PPFIA2: variants seen among roughly 807,000 people sequenced by gnomAD.
PPFIA2 encodes the protein PPFI scaffold protein A2.
PPFIA2 carries 46 observed loss-of-function variants against 175.5 expected under a neutral mutation model. The observed-to-expected ratio is 0.26, with a 90% confidence interval of 0.21 to 0.34. The LOEUF is 0.34. Ranked by LOEUF, PPFIA2 falls within the 10% of genes least tolerant of loss-of-function variation. The pLI is 1.00. For missense variants in PPFIA2, 1,179 were observed against 1,506.1 expected, an observed-to-expected ratio of 0.78 and a Z score of 3.60; for synonymous variants, 568 against 511.4, an observed-to-expected ratio of 1.11 and a Z score of -1.49.
At chr12:81,605,394 G>A (rs567203487) in intron 4 of PPFIA2, among the ~76,000 whole-genome samples, 13 of 151,638 alleles carry the variant, frequency 8.6e-5, no homozygotes, top group Non-Finnish European at 1.6e-4. Context: ...AGGTAAATGG[G>A]AAAGATGAAG....
chr12:81,446,383 A>C (rs998349048), intron 5 of PPFIA2, among the ~76,000 whole-genome samples: 15 of 152,144 alleles, frequency 9.9e-5, no homozygotes, highest in Non-Finnish European at 2.9e-5. Flanking sequence ...AAAGTCCCTG[A>C]AGACTTTCCA....
At chr12:81,580,264 T>C (rs2074207438) in intron 4 of PPFIA2, among the ~76,000 whole-genome samples, 1 of 151,834 alleles carries the variant, frequency 6.6e-6, no homozygotes. Flanking sequence ...GAGGTTGGTA[T>C]TCCTATCTGC....
In PPFIA2 at chr12:81,663,464, T is replaced by G. The variant is rs991142357; in HGVS notation, c.303+13327A>C. Among the ~76,000 whole-genome samples the G allele has an allele frequency of 8.5e-5, 13 of 152,168 alleles. No homozygotes were observed. In the South Asian group the frequency reaches 1.0e-3, roughly 12 times the overall value. ...ATTGCTTCAAAGATAATAAAATACC[T>G]AGGAATCCAACTTACAATGGATGGA... is the stretch of plus-strand genomic sequence containing the variant. On this transcript the variant is annotated intron_variant, in intron 4 of 32. Transcript: ENST00000549396.
chr12:81,272,516 A>G (rs2136477388), intron 28 of PPFIA2, among the ~76,000 whole-genome samples: 1 of 151,652 alleles, frequency 6.6e-6, no homozygotes, highest in African/African-American at 2.4e-5. Flanking sequence ...TCAAATTTCC[A>G]TTTGATTATT....
At chr12:81,573,370 A>G (rs534018237) in intron 4 of PPFIA2, among the ~76,000 whole-genome samples, 5 of 152,044 alleles carry the variant, frequency 3.3e-5, no homozygotes, top group Admixed American at 2.6e-4. Context: ...TCTTGCTAAC[A>G]ACAACACAAA....
intron 4 of PPFIA2, among the ~76,000 whole-genome samples, chr12:81,485,671 G>T (rs921767363): frequency 1.3e-5 from 2 of 151,810 alleles, no homozygotes; most frequent in East Asian, 3.9e-4. Context: ...TTCAAATTTT[G>T]TGCAAGAAAT....
At chr12:81,326,001 C>A in intron 21 of PPFIA2, 131 bp from the exon 22 acceptor site, 1 of 606,584 alleles carries the variant, frequency 1.6e-6, no homozygotes, top group Non-Finnish European at 2.9e-6. Flanking sequence ...TATTACTAAC[C>A]CAAGATGCAT....
chr12:81,291,210 T>C (rs1488779160), intron 24 of PPFIA2, among the ~76,000 whole-genome samples: 1 of 152,022 alleles, frequency 6.6e-6, no homozygotes, highest in East Asian at 1.9e-4. Flanking sequence ...TATTTTTCTG[T>C]ATTTTACAAA....
chr12:81,280,453 A>G (rs1336722153), intron 27 of PPFIA2, among the ~76,000 whole-genome samples: 1 of 152,160 alleles, frequency 6.6e-6, no homozygotes, highest in African/African-American at 2.4e-5. Context: ...TAATTTTTAT[A>G]CCATCTTCAC....
At chr12:81,329,862 C>A (rs184827317) in intron 21 of PPFIA2, among the ~76,000 whole-genome samples, 1 of 152,198 alleles carries the variant, frequency 6.6e-6, no homozygotes, top group Non-Finnish European at 1.5e-5. Flanking sequence ...AGTGATTAGA[C>A]CCCGGGTCCG....
chr12:81,339,213 C>G lies in PPFIA2; in HGVS notation c.2515G>C (p.Gly839Arg). 6.2e-7 allele frequency: 1 copy of G among 1,603,122 alleles called. No individual in the cohort carries two copies. The highest frequency in any genetic ancestry group is 8.5e-7 in the Non-Finnish European group (1 of 1,174,998). ...CCAAGTCGAGCTTTTTCTTTTTTAC[C>G]AAACAAACGTCCTATTGAAGACTTG... ...GIKSSIGRLFGKKEKARLGQL... is the reference protein window; with the variant it reads ...GIKSSIGRLFRKKEKARLGQL... Residue 839 changes from glycine to arginine, a missense_variant, in exon 21 of 33, where the codon GGT becomes CGT. Around this residue, in one of 10 missense-constraint regions of PPFIA2, gnomAD observed 223 missense variants for 241.6 expected, o/e 0.92. Transcript: ENST00000549396.
At chr12:81,354,162 C>T (rs1375464838) in intron 16 of PPFIA2, among the ~76,000 whole-genome samples, 3 of 152,164 alleles carry the variant, frequency 2.0e-5, no homozygotes, top group Non-Finnish European at 4.4e-5. Flanking sequence ...GGTTGGGTGG[C>T]TGTGACAATT....
chr12:81,612,109 A>C (rs1303748972), intron 4 of PPFIA2, among the ~76,000 whole-genome samples: 6 of 151,792 alleles, frequency 4.0e-5, no homozygotes, highest in Non-Finnish European at 8.8e-5. Flanking sequence ...CTGACTTAAT[A>C]ATTTGGTCTC....
intron 4 of PPFIA2, among the ~76,000 whole-genome samples, chr12:81,544,595 C>A (rs920758085): frequency 8.6e-5 from 13 of 151,992 alleles, no homozygotes; most frequent in African/African-American, 3.1e-4. Flanking sequence ...GTAATTATTC[C>A]ATTTTAATGT....
intron 4 of PPFIA2, among the ~76,000 whole-genome samples, chr12:81,474,769 G>GT (rs922445580): frequency 6.6e-6 from 1 of 152,062 alleles, no homozygotes; most frequent in Non-Finnish European, 1.5e-5. Flanking sequence ...ATTTCTAAAT[G>GT]TTTTTCCATG....
chr12:81,561,105 A>T (rs937036039), intron 4 of PPFIA2, among the ~76,000 whole-genome samples: 8 of 152,088 alleles, frequency 5.3e-5, no homozygotes, highest in Non-Finnish European at 1.2e-4. Flanking sequence ...GGCATTCCAA[A>T]TTTTTTCCTA....
At chr12:81,519,676 A>C (rs1367854820) in intron 4 of PPFIA2, among the ~76,000 whole-genome samples, 1 of 152,200 alleles carries the variant, frequency 6.6e-6, no homozygotes, top group Admixed American at 6.5e-5. Context: ...TTGTTTAACT[A>C]ACATGCTCCT....
intron 20 of PPFIA2, 73 bp downstream of exon 20, chr12:81,341,005 C>A: frequency 1.4e-6 from 2 of 1,423,524 alleles, no homozygotes; most frequent in East Asian, 2.4e-5. Context: ...GCAGTCTATT[C>A]GACAACAACG....
At chr12:81,673,128 C>G (rs2071753894) in intron 4 of PPFIA2, among the ~76,000 whole-genome samples, 1 of 151,984 alleles carries the variant, frequency 6.6e-6, no homozygotes, top group African/African-American at 2.4e-5. Context: ...ATTCTGGCAC[C>G]AGGGCAGGGG....
Sources: gnomAD v4.1 joint callset for allele counts (sites outside exome capture counted in the v4.1 genomes callset) on GRCh38, gnomAD v4.1.1 for gene constraint, gnomAD v4.1.1 regional missense constraint, MANE v1.5 for transcripts, NCBI Gene and HGNC (gene_info 2026-07-23, HGNC 2026-07-21) for gene names.